BCAT1: variants seen among roughly 807,000 people sequenced by gnomAD.
The protein encoded by BCAT1 is branched-chain-amino-acid aminotransferase, cytosolic.
A neutral mutation model predicts 52.4 loss-of-function variants in BCAT1; 48 were observed. That is an observed-to-expected ratio of 0.92 (90% confidence interval 0.73 to 1.16). The LOEUF is 1.16. BCAT1 is among the 50% of genes most tolerant of loss of function. BCAT1 has a pLI of 0.00. For missense variants in BCAT1, 451 were observed against 457.1 expected (o/e 0.99, Z 0.12); for synonymous variants, 167 against 161.3 (o/e 1.04, Z -0.27).
intron 7 of BCAT1, among the ~76,000 whole-genome samples, chr12:24,837,215 AG>A (rs923798972): frequency 1.7e-4 from 25 of 150,306 alleles, no homozygotes; most frequent in African/African-American, 5.8e-4. Context: ...ACCAACAAAC[AG>A]TAAGAGTTAT....
At chr12:24,837,304 T>C (rs1479929791) in intron 7 of BCAT1, among the ~76,000 whole-genome samples, 2 of 152,098 alleles carry the variant, frequency 1.3e-5, no homozygotes, top group African/African-American at 2.4e-5. Context: ...TAGAATAATG[T>C]AGATAGGGTC....
chr12:24,915,891 C>G (rs1192962618), intron 1 of BCAT1, among the ~76,000 whole-genome samples: 2 of 152,238 alleles, frequency 1.3e-5, no homozygotes, highest in Non-Finnish European at 2.9e-5. Flanking sequence ...GGCACAGTGG[C>G]TCACGCCTGT....
chr12:24,922,672 A>T (rs944617790), intron 1 of BCAT1, among the ~76,000 whole-genome samples: 1 of 152,088 alleles, frequency 6.6e-6, no homozygotes, highest in Non-Finnish European at 1.5e-5. Context: ...GGAGATCAAG[A>T]CCATCCTGGC....
At chr12:24,822,742 A>G (rs991058862) in intron 10 of BCAT1, among the ~76,000 whole-genome samples, 3 of 152,230 alleles carry the variant, frequency 2.0e-5, no homozygotes, top group Non-Finnish European at 4.4e-5. Flanking sequence ...TGGTTAGTTC[A>G]GAACCACTGT....
intron 7 of BCAT1, among the ~76,000 whole-genome samples, chr12:24,839,725 C>T (rs983206605): frequency 6.6e-6 from 1 of 152,142 alleles, no homozygotes; most frequent in Non-Finnish European, 1.5e-5. Context: ...TGTGGGCGCT[C>T]ATGAAAAGAC....
chr12:24,832,956 G>T, intron 8 of BCAT1, 93 bp from the exon 9 acceptor site: 1 of 1,297,810 alleles, frequency 7.7e-7, no homozygotes. Context: ...CATTCTGATT[G>T]CACTTAGACA....
intron 8 of BCAT1, chr12:24,834,244 T>C (rs1329642504): frequency 1.0e-6 from 1 of 983,250 alleles, no homozygotes; most frequent in East Asian, 1.1e-4. Flanking sequence ...GTATGTATTT[T>C]TTTTCCTAAT....
chr12:24,867,367 A>G (rs917209109), intron 5 of BCAT1, among the ~76,000 whole-genome samples: 12 of 134,290 alleles, frequency 8.9e-5, no homozygotes, highest in African/African-American at 3.1e-4. Flanking sequence ...TACCTTTAAC[A>G]TGTTTGAGAT....
At chr12:24,858,083 G>A (rs1565466804) in intron 5 of BCAT1, among the ~76,000 whole-genome samples, 1 of 152,106 alleles carries the variant, frequency 6.6e-6, no homozygotes, top group Non-Finnish European at 1.5e-5. Flanking sequence ...CCTTCTAACT[G>A]CACCTGTTTA....
intron 1 of BCAT1, chr12:24,903,398 A>G (rs1943169059): frequency 5.8e-6 from 1 of 173,536 alleles, no homozygotes; most frequent in Non-Finnish European, 1.2e-5. Context: ...GAGAAACTAC[A>G]TTAGGGCAGC....
rs775630942 is a variant in BCAT1 at position 24,873,062 on chromosome 12, C to T, written c.510+5468G>A. ...GTCCACATGTGTTTGTACCACTGTA[C>T]CTGCATGGAGTTACTCAACAGGACG... On this transcript the variant is annotated intron_variant, in intron 5 of 10. Transcript: ENST00000261192. Among the ~76,000 whole-genome samples the T allele has an allele frequency of 9.2e-5, 14 of 152,318 alleles. No individual in the cohort carries two copies. The East Asian group carries it at 1.3e-3, about 15-fold the overall frequency.
chr12:24,940,343 T>C (rs1943829711), intron 1 of BCAT1, among the ~76,000 whole-genome samples: 2 of 152,190 alleles, frequency 1.3e-5, no homozygotes, highest in Non-Finnish European at 2.9e-5. Flanking sequence ...TATCAAGTGG[T>C]AGACTAAAGT....
chr12:24,869,911 G>C (rs1410489189), intron 5 of BCAT1, among the ~76,000 whole-genome samples: 1 of 152,132 alleles, frequency 6.6e-6, no homozygotes, highest in African/African-American at 2.4e-5. Context: ...TTTTTGAGTA[G>C]TGGCAGAAAC....
intron 1 of BCAT1, among the ~76,000 whole-genome samples, chr12:24,942,488 G>A (rs1490982348): frequency 6.7e-6 from 1 of 150,268 alleles, no homozygotes; most frequent in East Asian, 2.0e-4. Flanking sequence ...AGGTTGCAGT[G>A]AGCCAAAATC....
intron 1 of BCAT1, among the ~76,000 whole-genome samples, chr12:24,933,589 G>A (rs4963596): frequency 0.3 from 46,227 of 151,954 alleles, 8,236 homozygotes; most frequent in Middle Eastern, 0.53. Context: ...GAACCTGGTC[G>A]AAGGTGATTG....
chr12:24,845,258 T>TACAG (rs1941310932), intron 6 of BCAT1, among the ~76,000 whole-genome samples: 1 of 149,028 alleles, frequency 6.7e-6, no homozygotes, highest in South Asian at 2.1e-4. Flanking sequence ...GCTTAAAACA[T>TACAG]ATGCTTCTAA....
chr12:24,888,057 A>G (rs1320625066), intron 3 of BCAT1, among the ~76,000 whole-genome samples: 1 of 152,238 alleles, frequency 6.6e-6, no homozygotes, highest in Non-Finnish European at 1.5e-5. Context: ...TTGACATTCA[A>G]TCATGTGATG....
intron 5 of BCAT1, among the ~76,000 whole-genome samples, chr12:24,876,260 T>TAAAAAAAAAAAAAAAAA (rs71448093): frequency 7.3e-5 from 8 of 109,820 alleles, no homozygotes; most frequent in Admixed American, 2.0e-4. Context: ...GAGGGAGATG[T>TAAAAAAAAAAAAAAAAA]AAAAAAAAAA....
chr12:24,922,608 C>T (rs1565500139), intron 1 of BCAT1, among the ~76,000 whole-genome samples: 1 of 152,146 alleles, frequency 6.6e-6, no homozygotes, highest in African/African-American at 2.4e-5. Flanking sequence ...CACAGTGGCC[C>T]AGGCCTATAA....
Sources: gnomAD v4.1 joint callset for allele counts (sites outside exome capture counted in the v4.1 genomes callset) on GRCh38, gnomAD v4.1.1 for gene constraint, MANE v1.5 for transcripts, NCBI Gene and HGNC (gene_info 2026-07-23, HGNC 2026-07-21) for gene names.